MAP6: variants seen among roughly 807,000 people sequenced by gnomAD.
The protein encoded by MAP6 is microtubule-associated protein 6.
In MAP6, 26 loss-of-function variants were observed where a neutral mutation model predicts 42.4. That is an observed-to-expected ratio of 0.61 (90% CI 0.45 to 0.85). The LOEUF (loss-of-function observed/expected upper bound fraction) is 0.85. Among genes scored for constraint, MAP6 ranks in the 40% least tolerant of loss-of-function variants. The pLI is 0.00. For synonymous variants in MAP6, 418 were observed against 443.8 expected (o/e 0.94, Z 0.73); for missense variants, 966 against 1,099.0 (o/e 0.88, Z 1.71).
At chr11:75,604,780 C>A in intron 3 of MAP6, 2 of 985,476 alleles carry the variant, frequency 2.0e-6, no homozygotes, top group Non-Finnish European at 2.4e-6. Flanking sequence ...GGGCAGTCTC[C>A]TAGTCTGCAG....
chr11:75,643,178 C>T (rs1199164599), intron 1 of MAP6, among the ~76,000 whole-genome samples: 2 of 151,386 alleles, frequency 1.3e-5, no homozygotes, highest in Non-Finnish European at 2.9e-5. Context: ...TGCGTGTTCA[C>T]ATCCACTATG....
chr11:75,662,150 G>A (rs1230519670), intron 1 of MAP6, among the ~76,000 whole-genome samples: 1 of 152,150 alleles, frequency 6.6e-6, no homozygotes, highest in African/African-American at 2.4e-5. Context: ...CTAAAGATAT[G>A]TGACCCTTAT....
intron 1 of MAP6, among the ~76,000 whole-genome samples, chr11:75,618,083 G>A (rs1343680483): frequency 6.8e-6 from 1 of 147,028 alleles, no homozygotes; most frequent in Non-Finnish European, 1.5e-5. Context: ...ATCTAGTGAA[G>A]TACTCCATAA....
rs1470835328 is a variant in MAP6 at position 75,666,242 on chromosome 11, C to T, written c.905+1223G>A. Among the ~76,000 whole-genome samples the T allele has an allele frequency of 2.0e-5, 3 of 152,100 alleles. No homozygotes were observed. The East Asian group carries it at 5.8e-4, about 29-fold the overall frequency. On this transcript the variant is annotated intron_variant, in intron 1 of 3. Transcript: ENST00000304771. ...TGCAATGTTGCATGTCCAGAGTCAA[C>T]TGTGTTCTGTTAGCTAATTGATGTT...
intron 1 of MAP6, among the ~76,000 whole-genome samples, chr11:75,647,587 A>C (rs1267024073): frequency 6.6e-6 from 1 of 152,196 alleles, no homozygotes; most frequent in Non-Finnish European, 1.5e-5. Flanking sequence ...AAACTCATTC[A>C]TAATAGCAAC....
rs1022810623 is a variant in MAP6, at chr11:75,667,809, C to G, written c.561G>C (p.Ser187=). 1 of 1,313,560 alleles carries G rather than the reference C, an allele frequency of 7.6e-7. No homozygotes were observed. The highest frequency in any genetic ancestry group is 9.7e-7 in the Non-Finnish European group (1 of 1,030,542). The allele number at this position is 1,313,560 out of a possible 1,614,324, so 81.4% of individuals were successfully genotyped here. A position where few individuals can be genotyped will look rare whatever the true frequency, so the allele number is the denominator to read the frequency against. The change falls in exon 1 of 4, where the codon TCG becomes TCC. Residue 187 remains serine, a synonymous_variant. Transcript: ENST00000304771. The surrounding 1 kb of genome is among the most constrained non-coding windows in gnomAD (Gnocchi z 5.6). ...PVQISAASQA[S]APILGAPKRR... The stretch of plus-strand genomic sequence containing the variant: ...GCTTGGGCGCCCCGAGAATGGGCGC[C>G]GACGCCTGGGAGGCCGCAGAGATCT...
chr11:75,610,846 CT>C (rs1942884025), intron 1 of MAP6, among the ~76,000 whole-genome samples: 1 of 151,964 alleles, frequency 6.6e-6, no homozygotes, highest in African/African-American at 2.4e-5. Context: ...AGGACTCTGG[CT>C]GGGGGGCGGT....
At position 75,587,054 on chromosome 11, in the gene MAP6, G is replaced by C; in HGVS notation, c.*5C>G. ...CTCCTTCATTGGTGTGTCAAGGGGT[G>C]AGTGTCAAGGGGAGCTCTCAATGTA... On this transcript the variant is annotated 3_prime_UTR_variant, in exon 4 of 4. Transcript: ENST00000304771. The C allele has an allele frequency of 6.4e-7, 1 of 1,569,788 alleles. No homozygotes were observed. Among genetic ancestry groups the C allele is most frequent in the South Asian group, 1.2e-5 (1 of 83,204 alleles).
chr11:75,619,392 A>C (rs1943067357), intron 1 of MAP6, among the ~76,000 whole-genome samples: 1 of 152,154 alleles, frequency 6.6e-6, no homozygotes, highest in African/African-American at 2.4e-5. Flanking sequence ...TTTAACTTTT[A>C]AGTTCAAGGG....
rs1431442792 is a variant in MAP6 at position 75,667,904 on chromosome 11, A to G, written c.466T>C (p.Tyr156His). Residue 156 changes from tyrosine (Y) to histidine (H), a missense_variant, in exon 1 of 4, where the codon TAC becomes CAC. Tyr to His is a moderately conservative substitution (Grantham distance 83). Around this residue, in one of 2 missense-constraint regions of MAP6, gnomAD observed 943 missense variants for 1,049.9 expected, o/e 0.90. Coordinates refer to ENST00000304771, the MANE Select transcript of MAP6 (RefSeq NM_033063.2). The surrounding 1 kb of genome is among the most constrained non-coding windows in gnomAD (Gnocchi z 5.6). ...GGCCAGGCGCGGAAGTCCTTCTGGT[A>G]CTGGGTCTCGCGCTCGAAGGGAGCG... Reference protein sequence around the residue: ...SDAPFERETQYQKDFRAWPLP... With the variant: ...SDAPFERETQHQKDFRAWPLP... 7.0e-7 allele frequency: 1 copy of G among 1,428,424 alleles called. No homozygotes were observed. Among genetic ancestry groups the G allele is most frequent in the Non-Finnish European group, 9.2e-7 (1 of 1,087,062 alleles). 88.5% of individuals were successfully genotyped at this position (1,428,424 alleles called of 1,614,324 possible). A position where few individuals can be genotyped will look rare whatever the true frequency, so the allele number is the denominator to read the frequency against.
chr11:75,606,182 G>C (rs1448910986), intron 2 of MAP6, among the ~76,000 whole-genome samples, 178 bp from the exon 3 acceptor site: 4 of 152,224 alleles, frequency 2.6e-5, no homozygotes, highest in African/African-American at 4.8e-5. Context: ...TCTCCCGTCT[G>C]AACTCCCTGT....
At chr11:75,599,547 G>A (rs1188844650) in intron 3 of MAP6, among the ~76,000 whole-genome samples, 2 of 152,190 alleles carry the variant, frequency 1.3e-5, no homozygotes, top group African/African-American at 2.4e-5. Flanking sequence ...TAGCCAGGAC[G>A]TCTGAGCCAG....
chr11:75,620,159 C>T (rs944100819), intron 1 of MAP6, among the ~76,000 whole-genome samples: 2 of 152,134 alleles, frequency 1.3e-5, no homozygotes, highest in Admixed American at 6.5e-5. Context: ...TCAATCCTAA[C>T]AACTTCTTTT....
Position 75,650,930 on chromosome 11 carries a change from C to A in MAP6, c.905+16535G>T, listed in dbSNP as rs568788006. On this transcript the variant is annotated intron_variant, in intron 1 of 3. Coordinates refer to ENST00000304771, the MANE Select transcript of MAP6 (RefSeq NM_033063.2). ...TCTCCCTTCCATCACACACTCCTAG[C>A]CCTAAAGACCTTCCTTATTTAAGAG... Among the ~76,000 whole-genome samples, 3 of 152,258 alleles carry A rather than the reference C, an allele frequency of 2.0e-5. No individual in the cohort carries two copies. The South Asian group carries it at 6.2e-4, about 32-fold the overall frequency.
At chr11:75,617,529 A>AC (rs1281556094) in intron 1 of MAP6, among the ~76,000 whole-genome samples, 1 of 150,170 alleles carries the variant, frequency 6.7e-6, no homozygotes, top group East Asian at 1.9e-4. Flanking sequence ...AAAAAAAAAA[A>AC]AAAAAAAAAA....
chr11:75,661,825 A>G (rs1196673527), intron 1 of MAP6, among the ~76,000 whole-genome samples: 1 of 151,344 alleles, frequency 6.6e-6, no homozygotes, highest in Non-Finnish European at 1.5e-5. Flanking sequence ...CCAACAGAGC[A>G]ACACACACAA....
chr11:75,608,142 G>A lies in MAP6; in HGVS notation c.1086C>T (p.Ser362=). The part of the protein sequence containing the change: ...NKVIDRRRIR[S]LYSEPFKEPP... Reference sequence around the variant, plus strand: ...GTTCCTTGAAGGGTTCGCTGTAGAGGCTGCGTATTCTTCTGCGATCAATGA... The same window carrying A: ...GTTCCTTGAAGGGTTCGCTGTAGAGACTGCGTATTCTTCTGCGATCAATGA... Residue 362 remains serine, a synonymous_variant, in exon 2 of 4, where the codon AGC becomes AGT. Transcript: ENST00000304771. The A allele has an allele frequency of 6.2e-7, 1 of 1,614,146 alleles. No individual in the cohort carries two copies. The highest frequency in any genetic ancestry group is 8.5e-7 in the Non-Finnish European group (1 of 1,180,046).
Position 75,667,719 on chromosome 11 carries a change from C to T in MAP6, c.651G>A (p.Ala217=). 1 of 1,289,324 alleles carries T rather than the reference C, an allele frequency of 7.8e-7. No individual in the cohort carries two copies. The highest frequency in any genetic ancestry group is 2.5e-5 in the South Asian group (1 of 39,218). 79.9% of individuals were successfully genotyped at this position (1,289,324 alleles called of 1,614,324 possible). A position where few individuals can be genotyped will look rare whatever the true frequency, so the allele number is the denominator to read the frequency against. ...QAAAEAREQE[A]APGGAGGLAA... ...CCAGGCCACCCGCTCCGCCGGGGGC[C>T]GCCTCCTGCTCCCGGGCCTCAGCGG... The change falls in exon 1 of 4, where the codon GCG becomes GCA. Residue 217 remains alanine, a synonymous_variant. Coordinates refer to ENST00000304771, the MANE Select transcript of MAP6 (RefSeq NM_033063.2). This position sits in a 1 kb window ranked among gnomAD's most constrained non-coding sequence, Gnocchi z 5.6.
chr11:75,648,338 A>C (rs1397279130), intron 1 of MAP6, among the ~76,000 whole-genome samples: 1 of 152,156 alleles, frequency 6.6e-6, no homozygotes, highest in African/African-American at 2.4e-5. Context: ...TACCAAAAAT[A>C]ATTTTAAAAA....
Sources: gnomAD v4.1 joint callset for allele counts (sites outside exome capture counted in the v4.1 genomes callset) on GRCh38, gnomAD v4.1.1 for gene constraint, gnomAD v4.1.1 regional missense constraint, Gnocchi (gnomAD v3.1) non-coding constraint, MANE v1.5 for transcripts, NCBI Gene and HGNC (gene_info 2026-07-23, HGNC 2026-07-21) for gene names.